Variants in RRP12 observed in about 807,000 individuals in gnomAD.
RRP12 encodes ribosomal RNA processing 12 homolog.
RRP12 carries 78 observed loss-of-function variants against 157.3 expected under a neutral mutation model. That is an observed-to-expected ratio of 0.50 (90% CI 0.41 to 0.60). RRP12 has a LOEUF of 0.60. Among genes scored for constraint, RRP12 ranks in the 20% least tolerant of loss-of-function variants. The probability of loss-of-function intolerance (pLI) is 0.00; values close to 1 mark genes in which losing one functional copy is unlikely to be tolerated. For synonymous variants in RRP12, 726 were observed against 670.9 expected, an observed-to-expected ratio of 1.08 and a Z score of -1.27; for missense variants, 1,521 against 1,679.9, an observed-to-expected ratio of 0.91 and a Z score of 1.65.
intron 19 of RRP12, 81 bp from the exon 20 acceptor site, chr10:97,372,247 T>C: frequency 9.4e-7 from 1 of 1,067,324 alleles, no homozygotes; most frequent in South Asian, 1.4e-5. Flanking sequence ...GTCTACTGGG[T>C]ATGGGGAGGT....
intron 12 of RRP12, 105 bp downstream of exon 12, chr10:97,381,281 A>T (rs899764619): frequency 6.1e-6 from 5 of 817,746 alleles, no homozygotes; most frequent in Non-Finnish European, 9.6e-6. Context: ...AAGCACTGCC[A>T]CTGCAGGCCT....
rs1027830667 is a variant in RRP12 at position 97,390,441 on chromosome 10, C to T, written c.735G>A (p.Thr245=). The stretch of plus-strand genomic sequence containing the variant: ...GTCTCACCTTGGGCTTGGGATGCAC[C>T]GTGAAGCTCAGCAGCCCATGGTACA... The part of the protein sequence containing the change: ...LQVYHGLLSF[T]VHPKPKIRKA... The change falls in exon 6 of 34, where the codon ACG becomes ACA. Residue 245 remains threonine, a synonymous_variant. Coordinates refer to ENST00000370992, the MANE Select transcript of RRP12 (RefSeq NM_015179.4). The T allele has an allele frequency of 2.3e-5, 37 of 1,613,570 alleles. No individual in the cohort carries two copies. Among genetic ancestry groups the T allele is most frequent in the Non-Finnish European group, 1.7e-5 (20 of 1,179,680 alleles).
chr10:97,388,059 C>G (rs1285145576), intron 8 of RRP12, 193 bp downstream of exon 8: 4 of 629,216 alleles, frequency 6.4e-6, no homozygotes, highest in Admixed American at 6.1e-5. Flanking sequence ...CTGAGGTCAG[C>G]TTCCATCTGG....
chr10:97,360,526 G>A lies in RRP12; in HGVS notation c.3640+20C>T, dbSNP rs887211908. On this transcript the variant is annotated intron_variant, in intron 31 of 33. Coordinates refer to ENST00000370992, the MANE Select transcript of RRP12 (RefSeq NM_015179.4). ...TGACAGGGATCCATGTGTCCCAGGA[G>A]AGAGGAGTGGAAGCCTCACCTTGGT... The A allele has an allele frequency of 1.9e-6, 3 of 1,588,210 alleles. No individual in the cohort carries two copies. The highest frequency in any genetic ancestry group is 2.2e-5 in the South Asian group (2 of 90,550).
intron 12 of RRP12, among the ~76,000 whole-genome samples, chr10:97,381,153 C>T (rs752740833): frequency 5.9e-5 from 9 of 152,322 alleles, no homozygotes; most frequent in Admixed American, 2.6e-4. Context: ...TCTGACCCAA[C>T]TTCAGATGGG....
chr10:97,378,553 A>G (rs1416103439), intron 15 of RRP12, among the ~76,000 whole-genome samples: 1 of 152,072 alleles, frequency 6.6e-6, no homozygotes, highest in Non-Finnish European at 1.5e-5. Context: ...ATACATATAT[A>G]CTCATATATA....
chr10:97,387,211 C>T (rs1444282395), intron 8 of RRP12, among the ~76,000 whole-genome samples: 1 of 152,102 alleles, frequency 6.6e-6, no homozygotes, highest in Non-Finnish European at 1.5e-5. Context: ...ATAGTTGCTA[C>T]ACTCTGTTGT....
rs1310358444 is a variant in RRP12 at position 97,401,305 on chromosome 10, C to T, written c.-74G>A. 1 of 1,576,802 alleles carries T rather than the reference C, an allele frequency of 6.3e-7. No individual in the cohort carries two copies. Among genetic ancestry groups the T allele is most frequent in the Non-Finnish European group, 8.7e-7 (1 of 1,150,008 alleles). On this transcript the variant is annotated 5_prime_UTR_variant, in exon 1 of 34. The change creates a new upstream start codon in the 5' untranslated region. Transcript: ENST00000370992. ...GACGTAGAAACACGCTCAGAACCCA[C>T]GTGGATACCCTGTAGCCTTCACTTC... is the stretch of plus-strand genomic sequence containing the variant.
chr10:97,400,113 A>G (rs1239342761), intron 2 of RRP12, among the ~76,000 whole-genome samples, 192 bp downstream of exon 2: 1 of 152,208 alleles, frequency 6.6e-6, no homozygotes, highest in Admixed American at 6.5e-5. Context: ...CAAGTACTTA[A>G]GCAGAGGAGA....
chr10:97,399,647 G>T (rs565765003), intron 2 of RRP12, among the ~76,000 whole-genome samples: 2 of 151,696 alleles, frequency 1.3e-5, no homozygotes, highest in Non-Finnish European at 2.9e-5. Flanking sequence ...CTGAGTTCAG[G>T]AGTTTGAGAC....
chr10:97,370,809 G>C lies in RRP12; in HGVS notation c.2503-13C>G, dbSNP rs1844126667. On this transcript the variant is annotated splice_polypyrimidine_tract_variant and intron_variant, in intron 21 of 33. Transcript: ENST00000370992. ...ACTTCAAACGGGGCTGTGGGCAAAG[G>C]GCTACCAGTCAGGACCCCTCAATGC... 1 of 1,613,350 alleles carries C rather than the reference G, an allele frequency of 6.2e-7. No individual in the cohort carries two copies. The highest frequency in any genetic ancestry group is 8.5e-7 in the Non-Finnish European group (1 of 1,179,536).
intron 17 of RRP12, 120 bp downstream of exon 17, chr10:97,373,455 G>C: frequency 8.3e-7 from 1 of 1,200,894 alleles, no homozygotes; most frequent in Non-Finnish European, 1.1e-6. Flanking sequence ...AAGCAGCAAA[G>C]GATGAGCTCC....
At position 97,401,148 on chromosome 10, in the gene RRP12, G is replaced by C. The variant is rs767881362; in HGVS notation, c.84C>G (p.Pro28=). ...CGGCCTGACGGTGGCGGCAGATGGC[G>C]GGGTTGCTGTCGCTGCTGTGGCCTT... is the stretch of plus-strand genomic sequence containing the variant. ...WKKGHSSDSN[P]AICRHRQAAR... is the part of the protein sequence containing the mutation. Residue 28 remains proline, a synonymous_variant, in exon 1 of 34, where the codon CCC becomes CCG. Coordinates refer to ENST00000370992, the MANE Select transcript of RRP12 (RefSeq NM_015179.4). The C allele has an allele frequency of 6.2e-7, 1 of 1,614,074 alleles. No individual in the cohort carries two copies. Among genetic ancestry groups the C allele is most frequent in the Admixed American group, 1.7e-5 (1 of 59,986 alleles).
chr10:97,366,097 G>A lies in RRP12; in HGVS notation c.3517+11C>T, dbSNP rs376679815. 2.6e-5 allele frequency: 42 copies of A among 1,601,378 alleles called. No individual in the cohort carries two copies. Among genetic ancestry groups the A allele is most frequent in the East Asian group, 2.0e-4 (9 of 44,868 alleles). On this transcript the variant is annotated intron_variant, in intron 29 of 33. Transcript: ENST00000370992. ...ACACGGTGAATGAATGGACAAGCGC[G>A]TTGGGCCCACCTTTGGCACCTTCCT...
chr10:97,362,649 G>T (rs965247693), intron 30 of RRP12, among the ~76,000 whole-genome samples: 1 of 152,156 alleles, frequency 6.6e-6, no homozygotes, highest in Non-Finnish European at 1.5e-5. Context: ...GGCGCAGAGA[G>T]GGGCAGGAGG....
chr10:97,383,805 T>C (rs1844535606), intron 10 of RRP12, among the ~76,000 whole-genome samples: 1 of 151,990 alleles, frequency 6.6e-6, no homozygotes, highest in Non-Finnish European at 1.5e-5. Flanking sequence ...GGAAACTGAG[T>C]GCACAGGAAG....
intron 29 of RRP12, among the ~76,000 whole-genome samples, chr10:97,364,589 C>T (rs924572386): frequency 1.2e-4 from 18 of 152,188 alleles, no homozygotes; most frequent in African/African-American, 1.4e-4. Flanking sequence ...TGGTGGCGCA[C>T]GCCTGTAGTC....
chr10:97,365,676 T>G (rs1406042923), intron 29 of RRP12, among the ~76,000 whole-genome samples: 2 of 150,476 alleles, frequency 1.3e-5, no homozygotes, highest in African/African-American at 4.9e-5. Flanking sequence ...CCGGGCAATG[T>G]GAGACATTGG....
At position 97,375,542 on chromosome 10, in the gene RRP12, A is replaced by G. The variant is rs57840115; in HGVS notation, c.1799-1648T>C. Among the ~76,000 whole-genome samples the G allele has an allele frequency of 3.3e-3, 505 of 152,286 alleles. 4 individuals carry two copies. The highest frequency in any genetic ancestry group is 0.012 in the African/African-American group (495 of 41,544). On this transcript the variant is annotated intron_variant, in intron 15 of 33. Coordinates refer to ENST00000370992, the MANE Select transcript of RRP12 (RefSeq NM_015179.4). ...AACATAAATCAGTACGCACTTGTCT[A>G]TCTTCTCAGGACAGATACCTGCGTG...
Sources: gnomAD v4.1 joint callset for allele counts (sites outside exome capture counted in the v4.1 genomes callset) on GRCh38, gnomAD v4.1.1 for gene constraint, MANE v1.5 for transcripts, NCBI Gene and HGNC (gene_info 2026-07-23, HGNC 2026-07-21) for gene names.